Variants in EYA4 observed in about 807,000 individuals in gnomAD.
EYA4 encodes the protein protein phosphatase EYA4.
Under a neutral mutation model 87.9 loss-of-function variants are expected in EYA4, and 31 were observed. That is an observed-to-expected ratio of 0.35 (90% CI 0.27 to 0.48). The LOEUF is 0.48. Ranked by LOEUF, EYA4 falls within the 20% of genes least tolerant of loss-of-function variation. The pLI, the probability that EYA4 is intolerant of heterozygous loss-of-function variation, is 0.99. For synonymous variants in EYA4, 263 were observed against 270.6 expected (o/e 0.97, Z 0.28); for missense variants, 678 against 761.4 (o/e 0.89, Z 1.29).
intron 18 of EYA4, 121 bp downstream of exon 18, chr6:133,523,298 A>G (rs1444930233): frequency 5.9e-6 from 6 of 1,013,276 alleles, no homozygotes; most frequent in Non-Finnish European, 9.2e-6. Context: ...TTCAAATTAC[A>G]AAGTCCCCTA....
intron 7 of EYA4, among the ~76,000 whole-genome samples, chr6:133,461,962 T>A (rs1185853694): frequency 6.6e-6 from 1 of 152,124 alleles, no homozygotes; most frequent in Admixed American, 6.6e-5. Context: ...GTGAATTTGC[T>A]CATGAGCATA....
At chr6:133,304,709 CCTT>C (rs1484269360) in intron 2 of EYA4, among the ~76,000 whole-genome samples, 2 of 152,100 alleles carry the variant, frequency 1.3e-5, no homozygotes, top group African/African-American at 2.4e-5. Flanking sequence ...ATGTCAGACA[CCTT>C]CTCTGTTTTT....
At chr6:133,259,024 A>G (rs1342710909) in intron 1 of EYA4, among the ~76,000 whole-genome samples, 3 of 152,172 alleles carry the variant, frequency 2.0e-5, no homozygotes, top group Non-Finnish European at 2.9e-5. Context: ...ATACTTTGGT[A>G]TACATTAATG....
intron 1 of EYA4, among the ~76,000 whole-genome samples, chr6:133,264,950 T>C (rs1202983439): frequency 6.6e-6 from 1 of 152,118 alleles, no homozygotes; most frequent in African/African-American, 2.4e-5. Context: ...GAGGATTAGG[T>C]GTACTTCTCT....
At chr6:133,269,860 C>T (rs1320824459) in intron 1 of EYA4, among the ~76,000 whole-genome samples, 1 of 152,144 alleles carries the variant, frequency 6.6e-6, no homozygotes, top group Non-Finnish European at 1.5e-5. Context: ...TTACCCTTAA[C>T]AATCACAGGG....
intron 11 of EYA4, among the ~76,000 whole-genome samples, chr6:133,473,449 A>G (rs1226220519): frequency 6.6e-6 from 1 of 152,084 alleles, no homozygotes; most frequent in Admixed American, 6.6e-5. Flanking sequence ...TAACAAGTAA[A>G]CTAATTTGGA....
At chr6:133,359,210 G>T (rs2128443062) in intron 2 of EYA4, among the ~76,000 whole-genome samples, 1 of 152,270 alleles carries the variant, frequency 6.6e-6, no homozygotes, top group South Asian at 2.1e-4. Flanking sequence ...GACACTGAGG[G>T]TTAAGGGGGC....
chr6:133,444,478 T>C (rs1018908744), intron 3 of EYA4, among the ~76,000 whole-genome samples: 5 of 152,182 alleles, frequency 3.3e-5, no homozygotes, highest in African/African-American at 1.2e-4. Context: ...TTATTTGGGT[T>C]GTGCTGTCAG....
At chr6:133,418,936 G>A (rs767954249) in intron 3 of EYA4, among the ~76,000 whole-genome samples, 3 of 152,122 alleles carry the variant, frequency 2.0e-5, no homozygotes, top group Non-Finnish European at 2.9e-5. Flanking sequence ...AGGATGAATA[G>A]AATGATATAA....
chr6:133,411,691 A>G (rs1789253736), intron 3 of EYA4, among the ~76,000 whole-genome samples: 1 of 152,344 alleles, frequency 6.6e-6, no homozygotes, highest in Non-Finnish European at 1.5e-5. Context: ...AGTTATTTGC[A>G]TAATATATCA....
In EYA4 at chr6:133,531,513, G is replaced by A. The variant is rs912688576; in HGVS notation, c.*2708G>A. ...TGTTCTGTAACTAAAGTGGGTTTTC[G>A]GCTATTATGTATACAGCTTGGTATA... On this transcript the variant is annotated 3_prime_UTR_variant, in exon 20 of 20. Transcript: ENST00000355286. 83 of 437,880 alleles carry A rather than the reference G, an allele frequency of 1.9e-4. No homozygotes were observed. Among genetic ancestry groups the A allele is most frequent in the African/African-American group, 1.4e-3 (71 of 50,576 alleles). The allele number at this position is 437,880 out of a possible 1,614,324, so 27.1% of individuals were successfully genotyped here.
chr6:133,456,504 C>A, intron 5 of EYA4, 52 bp from the exon 6 acceptor site: 1 of 1,245,430 alleles, frequency 8.0e-7, no homozygotes, highest in Non-Finnish European at 1.2e-6. Context: ...CGGACAGAGT[C>A]TTTGACATAA....
chr6:133,516,587 G>C (rs1226690876), intron 17 of EYA4, among the ~76,000 whole-genome samples: 2 of 151,520 alleles, frequency 1.3e-5, no homozygotes, highest in Non-Finnish European at 2.9e-5. Flanking sequence ...AGCTGGTCGT[G>C]GTGGTGCACA....
At chr6:133,276,279 T>G (rs1450360543) in intron 2 of EYA4, among the ~76,000 whole-genome samples, 1 of 152,184 alleles carries the variant, frequency 6.6e-6, no homozygotes, top group Non-Finnish European at 1.5e-5. Context: ...ACCAACGTTT[T>G]TTTGTTGCCA....
intron 2 of EYA4, among the ~76,000 whole-genome samples, chr6:133,359,810 A>G (rs1038602135): frequency 6.6e-6 from 1 of 152,262 alleles, no homozygotes; most frequent in Non-Finnish European, 1.5e-5. Flanking sequence ...GAATAATCAC[A>G]GGAGTTAGAC....
intron 5 of EYA4, among the ~76,000 whole-genome samples, chr6:133,449,096 TTGCTAGAATTTAGA>T (rs1793153086): frequency 6.6e-6 from 1 of 152,272 alleles, no homozygotes. Flanking sequence ...TAAAATTATG[TTGCTAGAATTTAGA>T]TACTCTTAAT....
At chr6:133,293,036 C>G (rs1189141197) in intron 2 of EYA4, among the ~76,000 whole-genome samples, 1 of 152,208 alleles carries the variant, frequency 6.6e-6, no homozygotes, top group African/African-American at 2.4e-5. Context: ...CCCCAGGGGT[C>G]TCTGGCTTGC....
At chr6:133,385,389 C>CTGTGTGTGTGTGTGTG in intron 3 of EYA4, among the ~76,000 whole-genome samples, 1 of 64,938 alleles carries the variant, frequency 1.5e-5, no homozygotes. Context: ...TGTATGCTCT[C>CTGTGTGTGTGTGTGTG]TCTGTGTGTG....
intron 1 of EYA4, among the ~76,000 whole-genome samples, chr6:133,260,199 GC>G (rs1775684727): frequency 6.6e-6 from 1 of 151,694 alleles, no homozygotes; most frequent in African/African-American, 2.4e-5. Context: ...TGTTGTTGTG[GC>G]TACTCTCTAC....
Sources: gnomAD v4.1 joint callset for allele counts (sites outside exome capture counted in the v4.1 genomes callset) on GRCh38, gnomAD v4.1.1 for gene constraint, MANE v1.5 for transcripts, NCBI Gene and HGNC (gene_info 2026-07-23, HGNC 2026-07-21) for gene names.